EIPR1: variants seen among roughly 807,000 people sequenced by gnomAD.
EIPR1 encodes the protein EARP complex and GARP complex interacting protein 1.
EIPR1 carries 25 observed loss-of-function variants against 48.1 expected under a neutral mutation model. That is an observed-to-expected ratio of 0.52 (90% CI 0.38 to 0.73). The LOEUF is 0.73. Ranked by LOEUF, EIPR1 falls within the 30% of genes least tolerant of loss-of-function variation. The pLI is 0.00. For synonymous variants in EIPR1, 204 were observed against 201.9 expected (o/e 1.01, Z -0.09); for missense variants, 415 against 506.2 (o/e 0.82, Z 1.73).
chr2:3,218,768 T>C (rs1221447276), intron 4 of EIPR1, among the ~76,000 whole-genome samples: 1 of 149,726 alleles, frequency 6.7e-6, no homozygotes, highest in Non-Finnish European at 1.5e-5. Context: ...CCTGATACAC[T>C]CTAGAGCGTT....
intron 3 of EIPR1, among the ~76,000 whole-genome samples, chr2:3,289,884 C>G (rs536136332): frequency 6.6e-6 from 1 of 152,248 alleles, no homozygotes; most frequent in Non-Finnish European, 1.5e-5. Context: ...CCTTGATCCA[C>G]GCCTCTCATC....
chr2:3,342,805 C>T (rs539869795), intron 2 of EIPR1, among the ~76,000 whole-genome samples: 2 of 152,182 alleles, frequency 1.3e-5, no homozygotes, highest in Non-Finnish European at 2.9e-5. Context: ...ACCTTCATTG[C>T]TAAGCCTGAT....
At position 3,202,543 on chromosome 2, in the gene EIPR1, T is replaced by A. The variant is rs573516379; in HGVS notation, c.517-5526A>T. 3.9e-5 allele frequency among the ~76,000 whole-genome samples: 6 copies of A among 152,322 alleles called. No individual in the cohort carries two copies. In the South Asian group the frequency reaches 1.0e-3, roughly 26 times the overall value. On this transcript the variant is annotated intron_variant, in intron 5 of 8. Transcript: ENST00000382125. ...CTCTTTAGAAGACAGAAACACAAGG[T>A]CACACCTTTAGAAGGTAATGCAAAT...
At chr2:3,355,648 C>A (rs1251179757) in intron 1 of EIPR1, among the ~76,000 whole-genome samples, 1 of 145,946 alleles carries the variant, frequency 6.9e-6, no homozygotes, top group Non-Finnish European at 1.5e-5. Context: ...TCTATCTCTG[C>A]AAAATAAATT....
At chr2:3,260,588 GAC>G (rs1438280977) in intron 3 of EIPR1, among the ~76,000 whole-genome samples, 2 of 152,012 alleles carry the variant, frequency 1.3e-5, no homozygotes, top group African/African-American at 2.4e-5. Context: ...GAAAAGAAAA[GAC>G]AGACTGGGGG....
At chr2:3,223,154 G>A (rs761566739) in intron 4 of EIPR1, among the ~76,000 whole-genome samples, 21 of 152,202 alleles carry the variant, frequency 1.4e-4, no homozygotes, top group South Asian at 4.1e-4. Context: ...AGATGACAAC[G>A]AAGAGAGATG....
chr2:3,240,193 A>C (rs80334105), intron 4 of EIPR1, among the ~76,000 whole-genome samples: 181 of 38,594 alleles, frequency 4.7e-3, no homozygotes, highest in Non-Finnish European at 6.9e-3. Context: ...CTTCCTCAAG[A>C]AAAGCCAGCA....
intron 4 of EIPR1, among the ~76,000 whole-genome samples, chr2:3,256,423 C>T (rs1019828893): frequency 1.3e-5 from 2 of 152,180 alleles, no homozygotes; most frequent in Non-Finnish European, 2.9e-5. Flanking sequence ...TCATGACTCT[C>T]GGAGGCCGGG....
chr2:3,364,274 A>G (rs890266872), intron 1 of EIPR1, among the ~76,000 whole-genome samples: 1 of 152,232 alleles, frequency 6.6e-6, no homozygotes, highest in African/African-American at 2.4e-5. Context: ...GTGCCCATCA[A>G]CAGATGAATG....
intron 1 of EIPR1, among the ~76,000 whole-genome samples, chr2:3,357,383 A>G (rs2103379780): frequency 6.6e-6 from 1 of 152,312 alleles, no homozygotes; most frequent in South Asian, 2.1e-4. Flanking sequence ...GATGAATGAG[A>G]GTTGTTAAAG....
At chr2:3,305,853 C>T (rs563212677) in intron 3 of EIPR1, among the ~76,000 whole-genome samples, 50 of 152,340 alleles carry the variant, frequency 3.3e-4, no homozygotes, top group African/African-American at 1.1e-3. Flanking sequence ...TCCTCCCAGG[C>T]GGTTCATAGG....
intron 2 of EIPR1, among the ~76,000 whole-genome samples, chr2:3,346,750 A>C (rs775277004): frequency 2.1e-4 from 32 of 152,352 alleles, no homozygotes; most frequent in Non-Finnish European, 4.0e-4. Context: ...GACTTCACAG[A>C]AAAGACGATA....
At chr2:3,285,166 C>G (rs910916564) in intron 3 of EIPR1, among the ~76,000 whole-genome samples, 5 of 152,192 alleles carry the variant, frequency 3.3e-5, no homozygotes, top group Non-Finnish European at 5.9e-5. Flanking sequence ...CCCTCACTGC[C>G]TCTGTCTCCA....
intron 5 of EIPR1, among the ~76,000 whole-genome samples, chr2:3,207,567 T>G (rs1052608133): frequency 1.4e-4 from 21 of 152,246 alleles, no homozygotes; most frequent in African/African-American, 5.1e-4. Context: ...ATGTCACAGT[T>G]CAGGTGGCCC....
At chr2:3,274,566 T>G in intron 3 of EIPR1, 1 of 1,176,730 alleles carries the variant, frequency 8.5e-7, no homozygotes, top group East Asian at 2.9e-5. Flanking sequence ...AAAGCCTCAC[T>G]AAGGGAACTT....
intron 3 of EIPR1, among the ~76,000 whole-genome samples, chr2:3,271,018 A>G (rs947201706): frequency 2.6e-5 from 4 of 152,228 alleles, no homozygotes; most frequent in African/African-American, 9.6e-5. Flanking sequence ...TATTATTTCA[A>G]CAGTGTTCAC....
At chr2:3,324,348 A>G (rs1242884098) in intron 3 of EIPR1, among the ~76,000 whole-genome samples, 1 of 152,156 alleles carries the variant, frequency 6.6e-6, no homozygotes, top group Admixed American at 6.5e-5. Context: ...AGGCTGCACC[A>G]TTCCCGGCAC....
chr2:3,332,966 C>T (rs757355882), intron 3 of EIPR1, among the ~76,000 whole-genome samples: 9 of 152,152 alleles, frequency 5.9e-5, no homozygotes, highest in Admixed American at 1.3e-4. Context: ...AAATGTTTGA[C>T]TTTTTAAGAT....
At chr2:3,325,675 G>A (rs1264361498) in intron 3 of EIPR1, among the ~76,000 whole-genome samples, 3 of 152,148 alleles carry the variant, frequency 2.0e-5, no homozygotes, top group Non-Finnish European at 4.4e-5. Flanking sequence ...TGCATAACAG[G>A]GCCTGGGGAC....
Sources: gnomAD v4.1 joint callset for allele counts (sites outside exome capture counted in the v4.1 genomes callset) on GRCh38, gnomAD v4.1.1 for gene constraint, MANE v1.5 for transcripts, NCBI Gene and HGNC (gene_info 2026-07-23, HGNC 2026-07-21) for gene names.